The following GPC4 variants were observed in gnomAD, a reference collection of about 807,000 sequenced individuals.
GPC4 encodes the protein glypican 4.
Under a neutral mutation model 35.0 loss-of-function variants are expected in GPC4, and 10 were observed. The observed-to-expected ratio is 0.29, with a 90% CI of 0.18 to 0.48. GPC4 has a LOEUF of 0.48. Ranked by LOEUF, GPC4 falls within the 20% of genes least tolerant of loss-of-function variation. The pLI is 0.99. For missense variants in GPC4, 322 were observed against 451.3 expected (o/e 0.71, Z 2.60); for synonymous variants, 167 against 170.2 (o/e 0.98, Z 0.15).
At chrX:133,310,177 C>A (rs967341509) in intron 4 of GPC4, among the ~76,000 whole-genome samples, 2 of 111,206 alleles carry the variant, frequency 1.8e-5, no homozygotes, top group Non-Finnish European at 3.8e-5. Flanking sequence ...CCCCTCACCT[C>A]CCCCCAAAAA....
At chrX:133,413,816 G>A (rs985463311) in intron 1 of GPC4, among the ~76,000 whole-genome samples, 2 of 111,905 alleles carry the variant, frequency 1.8e-5, no homozygotes, top group African/African-American at 3.2e-5. Context: ...GCCGGACACC[G>A]CCGCCAGCTT....
chrX:133,369,132 C>T (rs1218253264), intron 1 of GPC4, among the ~76,000 whole-genome samples: 2 of 110,998 alleles, frequency 1.8e-5, no homozygotes, highest in African/African-American at 6.6e-5. Context: ...TCTTTTAATC[C>T]CCCCAGAGCA....
chrX:133,323,917 C>T (rs1388858430), intron 3 of GPC4, among the ~76,000 whole-genome samples: 2 of 111,018 alleles, frequency 1.8e-5, no homozygotes, highest in Non-Finnish European at 3.8e-5. Context: ...ACAAAAAAAC[C>T]CCACAATAAT....
intron 2 of GPC4, among the ~76,000 whole-genome samples, chrX:133,338,647 T>C (rs1326793607): frequency 9.0e-6 from 1 of 111,444 alleles, no homozygotes; most frequent in African/African-American, 3.3e-5. Context: ...TAATGTGAGG[T>C]TGGATGGAGC....
Position 133,324,086 on chromosome X carries a change from T to C in GPC4, c.711+59A>G, listed in dbSNP as rs752970103. 241 of 1,114,548 alleles carry C rather than the reference T, an allele frequency of 2.2e-4. No individual in the cohort carries two copies. In the South Asian group the frequency reaches 5.0e-3, roughly 23 times the overall value. 91.9% of individuals were successfully genotyped at this position (1,114,548 alleles called of 1,213,427 possible). ...TTATTTTTCTACCTTTCCCAAACATTCTTTTAACATGAAAGAAAACAAAAC... is the reference window on the plus strand; with the variant it reads ...TTATTTTTCTACCTTTCCCAAACATCCTTTTAACATGAAAGAAAACAAAAC... On this transcript the variant is annotated intron_variant, in intron 3 of 8. Transcript: ENST00000370828.
At position 133,376,766 on chromosome X, in the gene GPC4, T is replaced by C. The variant is rs766211332; in HGVS notation, c.161-37425A>G. Among the ~76,000 whole-genome samples, 3 of 112,238 alleles carry C rather than the reference T, an allele frequency of 2.7e-5. No homozygotes were observed. In the South Asian group the frequency reaches 1.1e-3, roughly 42 times the overall value. ...GGAAGTGTTCTTCCATGCCTTCATGTGTTGGCTTTCGGGTTCTGTCTCCTG... is the reference window on the plus strand; with the variant it reads ...GGAAGTGTTCTTCCATGCCTTCATGCGTTGGCTTTCGGGTTCTGTCTCCTG... On this transcript the variant is annotated intron_variant, in intron 1 of 8. Transcript: ENST00000370828.
intron 2 of GPC4, among the ~76,000 whole-genome samples, chrX:133,325,200 T>A (rs1264757321): frequency 9.0e-6 from 1 of 110,877 alleles, no homozygotes; most frequent in Non-Finnish European, 1.9e-5. Context: ...TCCAGCTTGA[T>A]CCTGGGTTTC....
rs140860147 is a variant in GPC4 at position 133,376,917 on chromosome X, C to T, written c.161-37576G>A. 1.3e-3 allele frequency among the ~76,000 whole-genome samples: 142 copies of T among 111,765 alleles called. 1 individual carries two copies. Among genetic ancestry groups the T allele is most frequent in the East Asian group, 8.8e-3 (31 of 3,535 alleles). ...ACATGGACACAGACAACAGTGAGGA[C>T]GCTTCTCCTGGAAGGCCTTCAACCT... On this transcript the variant is annotated intron_variant, in intron 1 of 8. Coordinates refer to ENST00000370828, the MANE Select transcript of GPC4 (RefSeq NM_001448.3).
intron 3 of GPC4, among the ~76,000 whole-genome samples, chrX:133,321,109 G>A (rs1247674772): frequency 8.9e-6 from 1 of 112,052 alleles, no homozygotes; most frequent in Non-Finnish European, 1.9e-5. Context: ...TACCTTTGTT[G>A]CATAAGTAAG....
Position 133,357,203 on chromosome X carries a change from G to A in GPC4, c.161-17862C>T, listed in dbSNP as rs1445920340. Among the ~76,000 whole-genome samples the A allele has an allele frequency of 2.7e-5, 3 of 109,098 alleles. No homozygotes were observed. The East Asian group carries it at 8.8e-4, about 32-fold the overall frequency. 94.7% of individuals were successfully genotyped at this position (109,098 alleles called of 115,157 possible). ...GTTCGAGACCAGTCTGGGCAACATG[G>A]CAAAACCCTGTCTCTACTAAAAGTA... On this transcript the variant is annotated intron_variant, in intron 1 of 8. Transcript: ENST00000370828.
At chrX:133,361,371 C>T (rs888565466) in intron 1 of GPC4, among the ~76,000 whole-genome samples, 34 of 111,789 alleles carry the variant, frequency 3.0e-4, no homozygotes, top group African/African-American at 1.0e-3. Context: ...CTAAAAATAT[C>T]AATCCCAGAA....
At position 133,308,800 on chromosome X, in the gene GPC4, C is replaced by T. The variant is rs959498058; in HGVS notation, c.877+2458G>A. On this transcript the variant is annotated intron_variant, in intron 4 of 8. Coordinates refer to ENST00000370828, the MANE Select transcript of GPC4 (RefSeq NM_001448.3). ...AGCATCCCCTTCTCACTAGGGAAAG[C>T]GATTCCTTTTGCATTGTGCTGCCAA... 5.4e-5 allele frequency among the ~76,000 whole-genome samples: 6 copies of T among 110,893 alleles called. No individual in the cohort carries two copies. In the Admixed American group the frequency reaches 5.8e-4, roughly 11 times the overall value.
chrX:133,311,288 C>G lies in GPC4; in HGVS notation c.847G>C (p.Asp283His). 8.3e-7 allele frequency: 1 copy of G among 1,211,662 alleles called. No homozygotes were observed. Among genetic ancestry groups the G allele is most frequent in the Non-Finnish European group, 1.1e-6 (1 of 895,394 alleles). The change falls in exon 4 of 9, where the codon GAT (aspartate) becomes CAT (histidine). Residue 283 changes from aspartate (D) to histidine (H), a missense_variant. Transcript: ENST00000370828. ...IMRGCLANQG[D>H]LDFEWNNFID... Reference sequence around the variant, plus strand: ...AAATTGTTCCATTCAAAATCGAGATCCCCTTGGTTGGCCAAACAGCCTCTC... The same window carrying G: ...AAATTGTTCCATTCAAAATCGAGATGCCCTTGGTTGGCCAAACAGCCTCTC...
chrX:133,390,282 T>C (rs1233864473), intron 1 of GPC4, among the ~76,000 whole-genome samples: 2 of 111,733 alleles, frequency 1.8e-5, no homozygotes, highest in East Asian at 5.6e-4. Flanking sequence ...ACCCACCTAC[T>C]CATCTTTCAT....
intron 1 of GPC4, among the ~76,000 whole-genome samples, chrX:133,385,492 T>C (rs191618037): frequency 7.1e-5 from 8 of 112,357 alleles, no homozygotes; most frequent in Admixed American, 5.7e-4. Flanking sequence ...ATGCCTCACA[T>C]ACATATGGTG....
rs1345093675 is a variant in GPC4, at chrX:133,324,396, T to G, written c.460A>C (p.Asn154His). Reference sequence around the variant, plus strand: ...TTTAGCATTTCTTCCAGGTTCACATTTCCCACCACGTAGTAACGTTTCAAC... The same window carrying G: ...TTTAGCATTTCTTCCAGGTTCACATGTCCCACCACGTAGTAACGTTTCAAC... ...VELKRYYVVG[N>H]VNLEEMLNDF... The change falls in exon 3 of 9, where the codon AAT becomes CAT. Residue 154 changes from asparagine (N) to histidine (H), a missense_variant. This residue lies in a region of GPC4 where 163 missense variants were observed against 277.2 expected (regional missense o/e 0.59). Coordinates refer to ENST00000370828, the MANE Select transcript of GPC4 (RefSeq NM_001448.3). 8.3e-7 allele frequency: 1 copy of G among 1,209,776 alleles called. No individual in the cohort carries two copies. Among genetic ancestry groups the G allele is most frequent in the Non-Finnish European group, 1.1e-6 (1 of 895,288 alleles).
chrX:133,318,830 G>A (rs1322526271), intron 3 of GPC4, among the ~76,000 whole-genome samples: 2 of 111,806 alleles, frequency 1.8e-5, no homozygotes, highest in African/African-American at 6.5e-5. Flanking sequence ...TGAACCACCT[G>A]TTACTAATTA....
chrX:133,412,707 C>T (rs891192227), intron 1 of GPC4, among the ~76,000 whole-genome samples: 1 of 111,740 alleles, frequency 8.9e-6, no homozygotes, highest in Admixed American at 9.5e-5. Flanking sequence ...TAGACATATA[C>T]GCAAAATATC....
At chrX:133,391,925 G>A (rs184602534) in intron 1 of GPC4, among the ~76,000 whole-genome samples, 16 of 111,792 alleles carry the variant, frequency 1.4e-4, no homozygotes, top group African/African-American at 5.2e-4. Flanking sequence ...GTTAGAAGAG[G>A]TGAGGAGTTG....
Sources: gnomAD v4.1 joint callset for allele counts (sites outside exome capture counted in the v4.1 genomes callset) on GRCh38, gnomAD v4.1.1 for gene constraint, gnomAD v4.1.1 regional missense constraint, MANE v1.5 for transcripts, NCBI Gene and HGNC (gene_info 2026-07-23, HGNC 2026-07-21) for gene names.